Variants in RBFOX1 observed in about 807,000 individuals in gnomAD.
RBFOX1 encodes the protein RNA binding protein fox-1 homolog 1.
A neutral mutation model predicts 57.7 loss-of-function variants in RBFOX1; 8 were observed. That is an observed-to-expected ratio of 0.14 (90% CI 0.08 to 0.25). The LOEUF (loss-of-function observed/expected upper bound fraction) is 0.25. Ranked by LOEUF, RBFOX1 falls within the 10% of genes least tolerant of loss-of-function variation. The probability of loss-of-function intolerance (pLI) is 1.00; values close to 1 mark genes in which losing one functional copy is unlikely to be tolerated. For missense variants in RBFOX1, 611 were observed against 548.5 expected (o/e 1.11, Z -1.14); for synonymous variants, 326 against 222.4 (o/e 1.47, Z -4.15).
chr16:7,254,607 G>T (rs146626502), intron 4 of RBFOX1, among the ~76,000 whole-genome samples: 1 of 151,790 alleles, frequency 6.6e-6, no homozygotes, highest in Non-Finnish European at 1.5e-5. Flanking sequence ...AATCCTCTCT[G>T]TTGCTACTTA....
At chr16:6,828,195 C>T (rs373553667) in intron 3 of RBFOX1, among the ~76,000 whole-genome samples, 32 of 152,068 alleles carry the variant, frequency 2.1e-4, no homozygotes, top group African/African-American at 6.0e-4. Context: ...TTCCCTTGCC[C>T]GTAGAAGTGA....
At chr16:7,029,135 TA>T (rs2042011803) in intron 3 of RBFOX1, among the ~76,000 whole-genome samples, 10 of 96,508 alleles carry the variant, frequency 1.0e-4, no homozygotes, top group Admixed American at 9.2e-4. Flanking sequence ...TACGTATATA[TA>T]TATGTGTATA....
intron 4 of RBFOX1, among the ~76,000 whole-genome samples, chr16:7,394,882 C>T (rs2098116187): frequency 6.6e-6 from 1 of 152,184 alleles, no homozygotes; most frequent in Non-Finnish European, 1.5e-5. Flanking sequence ...TCCCACCCTC[C>T]TTGCCGTCCC....
chr16:6,665,241 G>A (rs1256666404), intron 3 of RBFOX1, among the ~76,000 whole-genome samples: 3 of 152,086 alleles, frequency 2.0e-5, no homozygotes, highest in Non-Finnish European at 4.4e-5. Context: ...TATAAAGGGC[G>A]ATGTCCCTCT....
At chr16:6,123,442 C>T (rs1047887079) in intron 1 of RBFOX1, among the ~76,000 whole-genome samples, 1 of 152,092 alleles carries the variant, frequency 6.6e-6, no homozygotes, top group African/African-American at 2.4e-5. Context: ...TCTAGGGATA[C>T]TAAAGTAGTC....
chr16:7,534,996 T>C (rs2152415290), intron 5 of RBFOX1, among the ~76,000 whole-genome samples: 1 of 152,350 alleles, frequency 6.6e-6, no homozygotes, highest in African/African-American at 2.4e-5. Flanking sequence ...ATTACAGCTC[T>C]GTTAACTCCC....
At position 5,794,570 on chromosome 16, in the gene RBFOX1, A is replaced by G. The variant is rs570846334; in HGVS notation, c.319-72733A>G. Among the ~76,000 whole-genome samples the G allele has an allele frequency of 2.6e-5, 4 of 152,254 alleles. No homozygotes were observed. The East Asian group carries it at 7.7e-4, about 29-fold the overall frequency. ...TCAGATTTGCTCATTGGAGAGGTAT[A>G]GCTGTCGGGCAGGTCAGATGTTGTG... On this transcript the variant is annotated intron_variant, in intron 3 of 19. Coordinates refer to the RBFOX1 transcript ENST00000641259.
intron 1 of RBFOX1, among the ~76,000 whole-genome samples, chr16:5,369,457 G>A (rs1038692581): frequency 6.6e-5 from 10 of 152,166 alleles, no homozygotes; most frequent in African/African-American, 2.4e-4. Flanking sequence ...GACCTGCTCG[G>A]TACCAGGCAC....
intron 1 of RBFOX1, among the ~76,000 whole-genome samples, chr16:5,243,572 C>T (rs909355963): frequency 6.6e-6 from 1 of 152,118 alleles, no homozygotes; most frequent in Non-Finnish European, 1.5e-5. Context: ...AGGTGCCATT[C>T]CCCCCTCCCA....
intron 1 of RBFOX1, among the ~76,000 whole-genome samples, chr16:6,190,368 T>C (rs950813675): frequency 9.9e-5 from 15 of 152,194 alleles, no homozygotes; most frequent in Non-Finnish European, 2.1e-4. Context: ...AACAGAATTA[T>C]GTAGTGTCAG....
At chr16:6,510,493 A>G (rs2096232205) in intron 2 of RBFOX1, among the ~76,000 whole-genome samples, 2 of 152,356 alleles carry the variant, frequency 1.3e-5, no homozygotes, top group Non-Finnish European at 2.9e-5. Flanking sequence ...GGTGAGGGAC[A>G]GCAGGCACAG....
chr16:7,123,557 G>A (rs983693508), intron 4 of RBFOX1, among the ~76,000 whole-genome samples: 5 of 151,982 alleles, frequency 3.3e-5, no homozygotes, highest in Admixed American at 6.6e-5. Flanking sequence ...TAGAGATGGG[G>A]TTTTGACATA....
At chr16:6,615,427 G>C (rs766081498) in intron 2 of RBFOX1, among the ~76,000 whole-genome samples, 1 of 152,100 alleles carries the variant, frequency 6.6e-6, no homozygotes, top group Non-Finnish European at 1.5e-5. Flanking sequence ...AAAATTAGCT[G>C]GGTGTGCTGG....
At chr16:5,865,140 G>C (rs1299101455) in intron 3 of RBFOX1, among the ~76,000 whole-genome samples, 1 of 152,182 alleles carries the variant, frequency 6.6e-6, no homozygotes, top group African/African-American at 2.4e-5. Flanking sequence ...TTTGCCCATG[G>C]AGCTTAGTGA....
intron 3 of RBFOX1, among the ~76,000 whole-genome samples, chr16:6,849,324 A>C (rs973786149): frequency 6.6e-5 from 10 of 152,158 alleles, no homozygotes; most frequent in African/African-American, 2.4e-4. Context: ...TTTTTAAGAG[A>C]AATAGATTAT....
chr16:6,899,534 G>A (rs774812315), intron 3 of RBFOX1, among the ~76,000 whole-genome samples: 1 of 152,182 alleles, frequency 6.6e-6, no homozygotes, highest in Non-Finnish European at 1.5e-5. Flanking sequence ...TTTATATTTA[G>A]AGACACCTGG....
At chr16:6,408,675 G>C (rs1406071787) in intron 2 of RBFOX1, among the ~76,000 whole-genome samples, 5 of 152,120 alleles carry the variant, frequency 3.3e-5, no homozygotes, top group Non-Finnish European at 5.9e-5. Context: ...GTGTTATGTT[G>C]TCTGTAACAT....
At chr16:6,239,356 G>C (rs774976633) in intron 1 of RBFOX1, among the ~76,000 whole-genome samples, 1 of 152,000 alleles carries the variant, frequency 6.6e-6, no homozygotes, top group Non-Finnish European at 1.5e-5. Flanking sequence ...CCAAGGGAGA[G>C]TATATGGTCA....
intron 1 of RBFOX1, among the ~76,000 whole-genome samples, chr16:6,137,944 A>G (rs1597676629): frequency 6.6e-6 from 1 of 152,044 alleles, no homozygotes; most frequent in African/African-American, 2.4e-5. Context: ...AGTTATCTCC[A>G]TTTTATATGC....
Sources: allele counts gnomAD v4.1 joint callset (sites outside exome capture counted in the v4.1 genomes callset), GRCh38; gene constraint gnomAD v4.1.1; transcripts MANE v1.5; gene names NCBI Gene and HGNC (gene_info 2026-07-23, HGNC 2026-07-21).